The following RGS12 variants were observed in gnomAD, a reference collection of about 807,000 sequenced individuals.
RGS12 encodes the protein regulator of G-protein signaling 12.
A neutral mutation model predicts 120.1 loss-of-function variants in RGS12; 66 were observed. That is an observed-to-expected ratio of 0.55 (90% CI 0.45 to 0.67). The LOEUF (loss-of-function observed/expected upper bound fraction) is 0.67. Among genes scored for constraint, RGS12 ranks in the 30% least tolerant of loss-of-function variants. The pLI is 0.00. For synonymous variants in RGS12, 827 were observed against 804.7 expected (o/e 1.03, Z -0.47); for missense variants, 1,859 against 1,957.7 (o/e 0.95, Z 0.95).
intron 1 of RGS12, 60 bp from the exon 2 acceptor site, chr4:3,316,010 C>T: frequency 4.8e-6 from 3 of 625,244 alleles, no homozygotes; most frequent in Non-Finnish European, 8.1e-6. Context: ...TAGCTAATAC[C>T]AGTGAGTGGT....
intron 13 of RGS12, among the ~76,000 whole-genome samples, chr4:3,425,155 C>G (rs1478866218): frequency 6.6e-6 from 1 of 152,224 alleles, no homozygotes; most frequent in African/African-American, 2.4e-5. Context: ...CCCCTCATAG[C>G]AGTTTCGAGG....
In RGS12 at chr4:3,422,458, G is replaced by C. The variant is rs754410879; in HGVS notation, c.2921G>C (p.Cys974Ser). Residue 974 changes from cysteine to serine, a missense_variant, in exon 11 of 18, where the codon TGC becomes TCC. This residue lies in a region of RGS12 where 375 missense variants were observed against 475.0 expected (regional missense o/e 0.79). Coordinates refer to ENST00000336727, the MANE Select transcript of RGS12 (RefSeq NM_001394154.1). ...CCIHLPDGTS[C>S]VVAVKAGFSI... ...ATTCATCTCCCGGATGGGACATCCT[G>C]CGTGGTGGCTGTCAAGGCGGGCTTC... 1.2e-6 allele frequency: 2 copies of C among 1,613,080 alleles called. No individual in the cohort carries two copies. Among genetic ancestry groups the C allele is most frequent in the African/African-American group, 2.7e-5 (2 of 74,938 alleles).
rs1449115670 is a variant in RGS12, at chr4:3,439,793, C to T, written c.*109C>T. Reference sequence around the variant, plus strand: ...CCTGGCCACCACACCCTCAGGAGCCCAGCCAGGAGGGCAGGGGGTGACCTC... The same window carrying T: ...CCTGGCCACCACACCCTCAGGAGCCTAGCCAGGAGGGCAGGGGGTGACCTC... On this transcript the variant is annotated 3_prime_UTR_variant, in exon 18 of 18. Coordinates refer to ENST00000336727, the MANE Select transcript of RGS12 (RefSeq NM_001394154.1). The T allele has an allele frequency of 2.7e-6, 3 of 1,114,132 alleles. No individual in the cohort carries two copies. Among genetic ancestry groups the T allele is most frequent in the East Asian group, 2.8e-5 (1 of 35,528 alleles). 69.0% of individuals were successfully genotyped at this position (1,114,132 alleles called of 1,614,324 possible).
rs536951746 is a variant in RGS12 at position 3,365,852 on chromosome 4, G to GT, written c.1999-20563dup. ...TTAAGATCCTGTGAACTCCGGACAT[G>GT]TAATAGGATTCTTCAGTGCTTCAGG... On this transcript the variant is annotated intron_variant, in intron 3 of 17. Transcript: ENST00000336727. This position sits in a 1 kb window ranked among gnomAD's most constrained non-coding sequence, Gnocchi z 4.0. Among the ~76,000 whole-genome samples the GT allele has an allele frequency of 3.9e-3, 595 of 152,338 alleles. 9 individuals carry two copies. The highest frequency in any genetic ancestry group is 0.014 in the African/African-American group (565 of 41,576).
At position 3,370,267 on chromosome 4, in the gene RGS12, A is replaced by C. The variant is rs201386052; in HGVS notation, c.1999-16149A>C. 2.8e-5 allele frequency: 45 copies of C among 1,613,882 alleles called. No homozygotes were observed. In the East Asian group the frequency reaches 4.2e-4, roughly 15 times the overall value. Reference sequence around the variant, plus strand: ...TGCCTAGTGTGGCTCGGTGCCTTACAATGAATTTGGGGAAAGAGTTGTCAA... The same window carrying C: ...TGCCTAGTGTGGCTCGGTGCCTTACCATGAATTTGGGGAAAGAGTTGTCAA... On this transcript the variant is annotated intron_variant, in intron 3 of 17. Transcript: ENST00000336727.
intron 7 of RGS12, 35 bp from the exon 8 acceptor site, chr4:3,416,878 T>A: frequency 6.4e-7 from 1 of 1,563,846 alleles, no homozygotes; most frequent in Non-Finnish European, 8.7e-7. Flanking sequence ...TCTGGGTCCC[T>A]CCTGTGACTG....
chr4:3,434,710 G>A (rs1030271720), intron 17 of RGS12, among the ~76,000 whole-genome samples: 48 of 152,226 alleles, frequency 3.2e-4, no homozygotes, highest in African/African-American at 1.1e-3. Flanking sequence ...AATGCACAGT[G>A]CTCCTTCTGT....
chr4:3,427,719 G>GA (rs570148186), intron 14 of RGS12, among the ~76,000 whole-genome samples: 94 of 152,258 alleles, frequency 6.2e-4, no homozygotes, highest in African/African-American at 2.1e-3. Context: ...CTGGGAGACA[G>GA]AGTGAGACTC....
At chr4:3,401,081 T>A (rs1225880872) in intron 4 of RGS12, among the ~76,000 whole-genome samples, 1 of 152,166 alleles carries the variant, frequency 6.6e-6, no homozygotes, top group Non-Finnish European at 1.5e-5. Flanking sequence ...AGGTCCAACT[T>A]TTAAACCTGG....
intron 3 of RGS12, among the ~76,000 whole-genome samples, chr4:3,350,964 C>T (rs1351396757): frequency 6.6e-6 from 1 of 151,724 alleles, no homozygotes; most frequent in Non-Finnish European, 1.5e-5. Context: ...AATACAAATT[C>T]ACTGGTTTAT....
intron 2 of RGS12, among the ~76,000 whole-genome samples, chr4:3,335,874 G>A (rs1712403255): frequency 6.6e-6 from 1 of 152,162 alleles, no homozygotes; most frequent in African/African-American, 2.4e-5. Context: ...CCGATCATTT[G>A]AGGTCAGGAG....
chr4:3,398,195 A>G (rs957042468), intron 4 of RGS12, among the ~76,000 whole-genome samples: 1 of 152,242 alleles, frequency 6.6e-6, no homozygotes, highest in Non-Finnish European at 1.5e-5. Flanking sequence ...AGTGAATAAA[A>G]TTATTTAGAG....
chr4:3,411,772 G>T (rs1721760293), intron 4 of RGS12, among the ~76,000 whole-genome samples: 1 of 152,294 alleles, frequency 6.6e-6, no homozygotes, highest in Admixed American at 6.5e-5. Context: ...CCACATGGGG[G>T]GGAGTCTTGG....
In RGS12 at chr4:3,317,917, C is replaced by G; in HGVS notation, c.1747C>G (p.Arg583Gly). The change falls in exon 2 of 18, where the codon CGC (arginine) becomes GGC (glycine). Residue 583 changes from arginine to glycine, a missense_variant. Arg to Gly is a moderately radical substitution (Grantham distance 125, BLOSUM62 -2). Around this residue, in one of 3 missense-constraint regions of RGS12, gnomAD observed 967 missense variants for 994.2 expected, o/e 0.97. Coordinates refer to ENST00000336727, the MANE Select transcript of RGS12 (RefSeq NM_001394154.1). ...TCCTATGAGCAAGATCCCCGCAGAC[C>G]GCTACAGGGTGGAGGGCAGCTTCGC... ...PPPMSKIPAD[R>G]YRVEGSFAQP... 1.2e-6 allele frequency: 2 copies of G among 1,614,158 alleles called. No homozygotes were observed. Among genetic ancestry groups the G allele is most frequent in the Non-Finnish European group, 1.7e-6 (2 of 1,180,038 alleles).
In RGS12 at chr4:3,439,700, C is replaced by A; in HGVS notation, c.*16C>A. The stretch of plus-strand genomic sequence containing the variant: ...CTTCGTCTGAGCTGCCCTGGCCTGG[C>A]CAACTCTCCTGTGGACATGTCGGGG... On this transcript the variant is annotated 3_prime_UTR_variant, in exon 18 of 18. Coordinates refer to ENST00000336727, the MANE Select transcript of RGS12 (RefSeq NM_001394154.1). 3 of 1,484,984 alleles carry A rather than the reference C, an allele frequency of 2.0e-6. No homozygotes were observed. The highest frequency in any genetic ancestry group is 2.7e-6 in the Non-Finnish European group (3 of 1,115,346). The allele number at this position is 1,484,984 out of a possible 1,614,324, so 92.0% of individuals were successfully genotyped here. A position where few individuals can be genotyped will look rare whatever the true frequency, so the allele number is the denominator to read the frequency against.
At chr4:3,382,670 C>T (rs1718388017) in intron 3 of RGS12, among the ~76,000 whole-genome samples, 1 of 151,918 alleles carries the variant, frequency 6.6e-6, no homozygotes, top group African/African-American at 2.4e-5. Flanking sequence ...CTTATTTTCT[C>T]TGCCCATCCC....
chr4:3,294,121 C>T lies in RGS12; in HGVS notation c.-102+1022C>T, dbSNP rs542047708. Among the ~76,000 whole-genome samples, 11 of 152,382 alleles carry T rather than the reference C, an allele frequency of 7.2e-5. No homozygotes were observed. In the South Asian group the frequency reaches 2.1e-3, roughly 29 times the overall value. ...TCTGTGCCTGAGTTTCCTCATTGGA[C>T]CTGTCTTTGGAGCTGCTGCAAGGGC... On this transcript the variant is annotated intron_variant, in intron 1 of 17. Coordinates refer to ENST00000336727, the MANE Select transcript of RGS12 (RefSeq NM_001394154.1).
intron 3 of RGS12, among the ~76,000 whole-genome samples, chr4:3,377,173 G>A (rs1161384666): frequency 1.3e-5 from 2 of 152,088 alleles, no homozygotes; most frequent in South Asian, 2.1e-4. Flanking sequence ...GGGGGCTCAA[G>A]CGATCCTCCT....
chr4:3,421,083 C>T (rs887211996), intron 10 of RGS12, among the ~76,000 whole-genome samples: 2 of 152,224 alleles, frequency 1.3e-5, no homozygotes, highest in African/African-American at 4.8e-5. Context: ...CAGGCGCTCC[C>T]TGTCTCAGCG....
Sources: allele counts gnomAD v4.1 joint callset (sites outside exome capture counted in the v4.1 genomes callset), GRCh38; gene constraint gnomAD v4.1.1; regional missense constraint gnomAD v4.1.1; non-coding constraint Gnocchi (gnomAD v3.1); transcripts MANE v1.5; gene names NCBI Gene and HGNC (gene_info 2026-07-23, HGNC 2026-07-21).